Variants in GSTM5 observed in about 807,000 individuals in gnomAD.
GSTM5 encodes the protein GST class-mu 5.
In GSTM5, 24 loss-of-function variants were observed where a neutral mutation model predicts 29.0. The ratio of observed to expected loss-of-function variants is 0.83; its 90% confidence interval spans 0.60 to 1.16. The LOEUF (loss-of-function observed/expected upper bound fraction) is 1.16. Among genes scored for constraint, GSTM5 ranks in the 50% most tolerant of loss-of-function variants. The pLI is 0.00. For missense variants in GSTM5, 290 were observed against 263.0 expected, an observed-to-expected ratio of 1.10 and a Z score of -0.71; for synonymous variants, 91 against 93.6, an observed-to-expected ratio of 0.97 and a Z score of 0.16.
intron 7 of GSTM5, chr1:109,716,388 G>T: frequency 6.3e-6 from 1 of 159,702 alleles, no homozygotes; most frequent in Non-Finnish European, 1.4e-5. Flanking sequence ...ACAGCCGAGG[G>T]CTGGGGCATG....
intron 4 of GSTM5, 22 bp from the exon 5 acceptor site, chr1:109,713,639 G>T: frequency 6.2e-7 from 1 of 1,614,214 alleles, no homozygotes; most frequent in Middle Eastern, 1.6e-4. Flanking sequence ...CTGAGATTGA[G>T]TCTGTGTTTT....
chr1:109,715,364 G>A, intron 7 of GSTM5, 124 bp downstream of exon 7: 1 of 1,597,132 alleles, frequency 6.3e-7, no homozygotes, highest in South Asian at 1.1e-5. Context: ...CTTCATGCCA[G>A]GAATCATGCC....
Position 109,712,369 on chromosome 1 carries a change from G to T in GSTM5, c.36+21G>T. The T allele has an allele frequency of 2.5e-6, 4 of 1,612,876 alleles. No individual in the cohort carries two copies. The Middle Eastern group carries it at 4.9e-4, about 200-fold the overall frequency. On this transcript the variant is annotated intron_variant, in intron 1 of 7. Transcript: ENST00000256593. ...GTGGGGTAAGCGAGGGTCCTCTGGT[G>T]GGTGGGACAGGGGGCGGAGGCGGGG...
At chr1:109,715,751 A>G (rs972188874) in intron 7 of GSTM5, 7 of 409,796 alleles carry the variant, frequency 1.7e-5, no homozygotes, top group Non-Finnish European at 2.7e-5. Context: ...CACCCCCAGA[A>G]GCTTTGCATG....
At position 109,712,328 on chromosome 1, in the gene GSTM5, G is replaced by A. The variant is rs763750062; in HGVS notation, c.16G>A (p.Gly6Arg). 4 of 1,614,136 alleles carry A rather than the reference G, an allele frequency of 2.5e-6. No homozygotes were observed. The highest frequency in any genetic ancestry group is 2.2e-5 in the South Asian group (2 of 91,076). MPMTL[G>R]YWDIRGLAHA... ...AACCAGCACCATGCCCATGACTCTG[G>A]GGTACTGGGACATCCGTGGGGTAAG... Residue 6 changes from glycine (G) to arginine (R), a missense_variant, in exon 1 of 8, where the codon GGG (glycine) becomes AGG (arginine). Physicochemically the swap from Gly to Arg is moderately radical, Grantham distance 125. Coordinates refer to ENST00000256593, the MANE Select transcript of GSTM5 (RefSeq NM_000851.4).
At chr1:109,717,316 G>T (rs761590881) in intron 7 of GSTM5, 21 bp from the exon 8 acceptor site, 3 of 1,593,598 alleles carry the variant, frequency 1.9e-6, no homozygotes, top group Non-Finnish European at 2.6e-6. Context: ...CCTGGCTCTG[G>T]CCCCTTCTTC....
intron 2 of GSTM5, 111 bp downstream of exon 2, chr1:109,712,804 G>C (rs1007000872): frequency 6.3e-6 from 8 of 1,266,314 alleles, no homozygotes; most frequent in Non-Finnish European, 9.2e-6. Context: ...TGGAGCTGCA[G>C]GCTGTCCCTT....
chr1:109,712,967 A>T, intron 2 of GSTM5, 152 bp from the exon 3 acceptor site: 1 of 1,002,048 alleles, frequency 1.0e-6, no homozygotes. Context: ...CCTCAGTGGG[A>T]TTCTTTCTCC....
At chr1:109,714,052 A>G in intron 5 of GSTM5, 1 of 301,744 alleles carries the variant, frequency 3.3e-6, no homozygotes, top group Non-Finnish European at 6.3e-6. Flanking sequence ...ATTTGGGGCC[A>G]GGACTCTTGC....
At chr1:109,713,463 C>T (rs762701449) in intron 3 of GSTM5, 21 bp from the exon 4 acceptor site, 1 of 1,614,106 alleles carries the variant, frequency 6.2e-7, no homozygotes, top group African/African-American at 1.3e-5. Context: ...ACTGAGCTTC[C>T]CCGGTTTCCC....
chr1:109,711,972 T>A (rs1648523646), upstream of GSTM5, among the ~76,000 whole-genome samples: 3 of 151,328 alleles, frequency 2.0e-5, no homozygotes, highest in South Asian at 6.3e-4. Context: ...ATCTGGCTGG[T>A]GTCTCAAGCG....
At chr1:109,713,394 C>T (rs1179749224) in intron 3 of GSTM5, 90 bp from the exon 4 acceptor site, 3 of 1,565,654 alleles carry the variant, frequency 1.9e-6, no homozygotes, top group Non-Finnish European at 2.6e-6. Context: ...ATGAGCAGGC[C>T]CTGGTCTCCT....
rs1372931085 is a variant in GSTM5, at chr1:109,713,113, C to A, written c.113-6C>A. ...GAGGTTTGTTTTCACTTCTTCCCCA[C>A]CACAGCTCCTGACTATGACAGAAGC... On this transcript the variant is annotated splice_region_variant and splice_polypyrimidine_tract_variant and intron_variant, in intron 2 of 7. Coordinates refer to ENST00000256593, the MANE Select transcript of GSTM5 (RefSeq NM_000851.4). 1 of 1,612,462 alleles carries A rather than the reference C, an allele frequency of 6.2e-7. No homozygotes were observed. The highest frequency in any genetic ancestry group is 8.5e-7 in the Non-Finnish European group (1 of 1,179,874).
Position 109,712,895 on chromosome 1 carries a change from G to A in GSTM5, c.112+202G>A. ...GATGCTGGACACCCTGTCTAATTGG[G>A]TTGGGTGTCCCTCAGAGCTTCCCTA... On this transcript the variant is annotated intron_variant, in intron 2 of 7. Transcript: ENST00000256593. 5.9e-6 allele frequency: 5 copies of A among 842,638 alleles called. No homozygotes were observed. In the Admixed American group the frequency reaches 1.0e-4, roughly 17 times the overall value. The allele number at this position is 842,638 out of a possible 1,614,324, so 52.2% of individuals were successfully genotyped here.
intron 7 of GSTM5, chr1:109,715,494 A>G: frequency 6.8e-7 from 1 of 1,479,498 alleles, no homozygotes; most frequent in Non-Finnish European, 9.0e-7. Context: ...TCCTTTGCTC[A>G]GGGTCCCAGA....
chr1:109,712,124 G>A (rs1210733070), upstream of GSTM5: 5 of 657,498 alleles, frequency 7.6e-6, no homozygotes, highest in African/African-American at 3.7e-5. Context: ...GGGACTGGGA[G>A]GCGGGAGGGG....
intron 7 of GSTM5, chr1:109,715,687 T>C: frequency 2.0e-6 from 1 of 497,738 alleles, no homozygotes; most frequent in Non-Finnish European, 3.5e-6. Context: ...ATAGTAGGAC[T>C]GACACACAGT....
At chr1:109,712,037 G>T (rs1648525704), upstream of GSTM5, among the ~76,000 whole-genome samples, 1 of 152,206 alleles carries the variant, frequency 6.6e-6, no homozygotes, top group South Asian at 2.1e-4. Flanking sequence ...TGGAGCCTCA[G>T]GGCGGGTTGG....
intron 1 of GSTM5, 88 bp from the exon 2 acceptor site, chr1:109,712,530 T>C (rs1648590466): frequency 1.3e-6 from 2 of 1,490,154 alleles, no homozygotes; most frequent in Non-Finnish European, 1.9e-6. Flanking sequence ...GTACGTGCAG[T>C]ATAGACTAGG....
Sources: gnomAD v4.1 joint callset for allele counts (sites outside exome capture counted in the v4.1 genomes callset) on GRCh38, gnomAD v4.1.1 for gene constraint, MANE v1.5 for transcripts, NCBI Gene and HGNC (gene_info 2026-07-23, HGNC 2026-07-21) for gene names.